Variants in DDX10 observed in about 807,000 individuals in gnomAD.
DDX10 encodes the protein probable ATP-dependent RNA helicase DDX10.
DDX10 carries 74 observed loss-of-function variants against 104.3 expected under a neutral mutation model. That is an observed-to-expected ratio of 0.71 (90% CI 0.59 to 0.86). The LOEUF is 0.86. Ranked by LOEUF, DDX10 falls within the 40% of genes least tolerant of loss-of-function variation. The probability of loss-of-function intolerance (pLI) is 0.00; values close to 1 mark genes in which losing one functional copy is unlikely to be tolerated. For synonymous variants in DDX10, 351 were observed against 353.4 expected, an observed-to-expected ratio of 0.99 and a Z score of 0.08; for missense variants, 952 against 1,040.0, an observed-to-expected ratio of 0.92 and a Z score of 1.16.
At chr11:108,668,222 A>G (rs2094212503) in intron 1 of DDX10, among the ~76,000 whole-genome samples, 1 of 152,228 alleles carries the variant, frequency 6.6e-6, no homozygotes, top group African/African-American at 2.4e-5. Context: ...AGACAACTTT[A>G]AGGCACAGCA....
At chr11:108,767,689 C>G (rs967381893) in intron 13 of DDX10, among the ~76,000 whole-genome samples, 2 of 152,194 alleles carry the variant, frequency 1.3e-5, no homozygotes, top group Non-Finnish European at 2.9e-5. Flanking sequence ...GCTGAATTAA[C>G]TCATGATTTA....
chr11:108,897,245 G>A (rs1189980742), intron 16 of DDX10, among the ~76,000 whole-genome samples: 2 of 152,128 alleles, frequency 1.3e-5, no homozygotes, highest in Admixed American at 1.3e-4. Flanking sequence ...CTGCAAGCAG[G>A]GGACAACCCA....
intron 13 of DDX10, among the ~76,000 whole-genome samples, chr11:108,801,756 G>A (rs1220296766): frequency 2.0e-5 from 3 of 151,674 alleles, no homozygotes; most frequent in African/African-American, 2.4e-5. Flanking sequence ...TTTAAACACC[G>A]AAATCTATGC....
intron 9 of DDX10, 150 bp from the exon 10 acceptor site, chr11:108,706,589 C>A: frequency 3.0e-6 from 2 of 666,446 alleles, no homozygotes; most frequent in Non-Finnish European, 5.4e-6. Flanking sequence ...TGTTCAGAGC[C>A]CTAGTTTTCT....
intron 11 of DDX10, among the ~76,000 whole-genome samples, chr11:108,717,293 G>T (rs1001901771): frequency 4.6e-5 from 7 of 152,242 alleles, no homozygotes; most frequent in Middle Eastern, 6.8e-3. Context: ...GTTATTCCTG[G>T]CAAAGAAGTA....
intron 10 of DDX10, among the ~76,000 whole-genome samples, chr11:108,714,558 G>A (rs1029281386): frequency 4.0e-5 from 6 of 148,922 alleles, no homozygotes; most frequent in East Asian, 2.0e-4. Flanking sequence ...GTCTTAAACG[G>A]CCTTTTCTGA....
intron 13 of DDX10, among the ~76,000 whole-genome samples, chr11:108,768,601 GT>G (rs1409644517): frequency 1.3e-5 from 2 of 152,062 alleles, no homozygotes; most frequent in East Asian, 3.8e-4. Flanking sequence ...AAATTTTGTG[GT>G]TATCTTTGAT....
intron 13 of DDX10, among the ~76,000 whole-genome samples, chr11:108,803,128 A>T (rs1312454138): frequency 3.3e-5 from 5 of 152,042 alleles, no homozygotes; most frequent in Non-Finnish European, 7.4e-5. Context: ...TTTTTTTCTT[A>T]CTTTTCAAAT....
intron 13 of DDX10, among the ~76,000 whole-genome samples, chr11:108,723,920 T>G (rs1030992139): frequency 6.6e-6 from 1 of 152,176 alleles, no homozygotes; most frequent in East Asian, 1.9e-4. Flanking sequence ...AAATAGAAAT[T>G]GAACAGTTCT....
chr11:108,797,643 A>G (rs1376821133), intron 13 of DDX10, among the ~76,000 whole-genome samples: 4 of 152,266 alleles, frequency 2.6e-5, no homozygotes, highest in African/African-American at 9.6e-5. Context: ...CATCTATCAT[A>G]TAATTTGTAA....
intron 13 of DDX10, among the ~76,000 whole-genome samples, chr11:108,782,969 A>G (rs1171878772): frequency 1.3e-5 from 2 of 152,158 alleles, no homozygotes; most frequent in African/African-American, 2.4e-5. Flanking sequence ...CTTCACCCAC[A>G]TATGCTTTGT....
At chr11:108,848,508 C>T (rs765789605) in intron 15 of DDX10, among the ~76,000 whole-genome samples, 3 of 152,098 alleles carry the variant, frequency 2.0e-5, no homozygotes, top group Non-Finnish European at 4.4e-5. Context: ...CTGTCACAAC[C>T]AGGTTTATTA....
At chr11:108,789,678 G>A (rs1861844095) in intron 13 of DDX10, among the ~76,000 whole-genome samples, 1 of 152,160 alleles carries the variant, frequency 6.6e-6, no homozygotes, top group South Asian at 2.1e-4. Context: ...CTCAAAAATT[G>A]TATTGCCAGG....
chr11:108,936,545 C>CT (rs1864040117), intron 17 of DDX10, among the ~76,000 whole-genome samples: 2 of 152,054 alleles, frequency 1.3e-5, no homozygotes, highest in Admixed American at 1.3e-4. Context: ...TCTTCCAAAC[C>CT]TTTTTCTATG....
intron 17 of DDX10, among the ~76,000 whole-genome samples, chr11:108,929,074 A>G (rs1464453758): frequency 6.6e-6 from 1 of 152,170 alleles, no homozygotes; most frequent in Non-Finnish European, 1.5e-5. Context: ...GAATGCCCTT[A>G]CCTGTCTGTT....
intron 9 of DDX10, among the ~76,000 whole-genome samples, chr11:108,699,832 T>C (rs2094265095): frequency 6.6e-6 from 1 of 152,044 alleles, no homozygotes; most frequent in African/African-American, 2.4e-5. Context: ...CAAGAAGAGG[T>C]GTGGGATCTC....
intron 16 of DDX10, among the ~76,000 whole-genome samples, chr11:108,858,692 C>A (rs1164218410): frequency 1.3e-5 from 2 of 152,110 alleles, no homozygotes; most frequent in African/African-American, 4.8e-5. Context: ...TTCACGCATG[C>A]CTTATTTGCG....
chr11:108,835,198 C>T (rs773370124), intron 13 of DDX10, among the ~76,000 whole-genome samples: 6 of 152,108 alleles, frequency 3.9e-5, no homozygotes, highest in African/African-American at 7.2e-5. Flanking sequence ...TTTACCACCG[C>T]ACAGCTTACT....
intron 13 of DDX10, among the ~76,000 whole-genome samples, chr11:108,729,407 A>G (rs1264491127): frequency 6.6e-6 from 1 of 152,132 alleles, no homozygotes; most frequent in Admixed American, 6.5e-5. Flanking sequence ...AATAACCCAC[A>G]TTTCAGTAAC....
Sources: gnomAD v4.1 joint callset for allele counts (sites outside exome capture counted in the v4.1 genomes callset) on GRCh38, gnomAD v4.1.1 for gene constraint, MANE v1.5 for transcripts, NCBI Gene and HGNC (gene_info 2026-07-23, HGNC 2026-07-21) for gene names.